AFG2A: variants seen among roughly 807,000 people sequenced by gnomAD.
AFG2A encodes the protein AAA ATPase AFG2A.
chr4:122,946,119 G>A, the AFG2A span, among the ~76,000 whole-genome samples: 1 of 152,186 alleles, frequency 6.6e-6, no homozygotes, highest in Non-Finnish European at 1.5e-5. Context: ...ATAAAATAGT[G>A]TCCTAGTTTG....
At chr4:122,988,337 A>C in the AFG2A span, among the ~76,000 whole-genome samples, 1 of 147,578 alleles carries the variant, frequency 6.8e-6, no homozygotes, top group East Asian at 1.9e-4. Flanking sequence ...AAGAACTCCA[A>C]ATACACTAAA....
At chr4:123,139,257 T>A in the AFG2A span, among the ~76,000 whole-genome samples, 1 of 152,144 alleles carries the variant, frequency 6.6e-6, no homozygotes, top group Admixed American at 6.5e-5. Context: ...GCAATCACTG[T>A]CTTGTTCTTA....
At chr4:123,177,588 G>A in the AFG2A span, among the ~76,000 whole-genome samples, 2 of 152,174 alleles carry the variant, frequency 1.3e-5, no homozygotes, top group South Asian at 4.1e-4. Flanking sequence ...TTTTAAAAAA[G>A]TAAATGTCCT....
chr4:122,937,006 G>C, the AFG2A span, among the ~76,000 whole-genome samples: 3 of 151,966 alleles, frequency 2.0e-5, no homozygotes, highest in Admixed American at 2.0e-4. Context: ...AAAATAATTA[G>C]TTGGGCATGG....
chr4:123,146,502 T>G, the AFG2A span, among the ~76,000 whole-genome samples: 1 of 152,108 alleles, frequency 6.6e-6, no homozygotes, highest in African/African-American at 2.4e-5. Flanking sequence ...GTTCTTGTAT[T>G]CATCAGGGAA....
chr4:122,928,849 A>G, the AFG2A span, among the ~76,000 whole-genome samples: 1 of 152,160 alleles, frequency 6.6e-6, no homozygotes, highest in South Asian at 2.1e-4. Flanking sequence ...TCATGAGCCC[A>G]TGTAGTATTT....
the AFG2A span, among the ~76,000 whole-genome samples, chr4:123,195,845 G>A: frequency 6.6e-6 from 1 of 152,012 alleles, no homozygotes; most frequent in Non-Finnish European, 1.5e-5. Flanking sequence ...TGGAAATGCT[G>A]GTAATTTATT....
the AFG2A span, among the ~76,000 whole-genome samples, chr4:123,118,336 A>ATAATATATG: frequency 1.7e-5 from 1 of 58,158 alleles, no homozygotes; most frequent in Non-Finnish European, 4.2e-5. Context: ...TATAATATAT[A>ATAATATATG]TATTATATTA....
At chr4:123,036,859 T>C in the AFG2A span, among the ~76,000 whole-genome samples, 5 of 152,074 alleles carry the variant, frequency 3.3e-5, no homozygotes, top group South Asian at 2.1e-4. Flanking sequence ...CATTCTTGCC[T>C]AGTAATTAAA....
the AFG2A span, among the ~76,000 whole-genome samples, chr4:123,158,355 A>G: frequency 6.6e-6 from 1 of 152,246 alleles, no homozygotes; most frequent in Admixed American, 6.5e-5. Flanking sequence ...GGTCAATCTC[A>G]GGAATTTCAG....
chr4:123,127,813 T>A, the AFG2A span, among the ~76,000 whole-genome samples: 22 of 152,290 alleles, frequency 1.4e-4, no homozygotes, highest in Admixed American at 1.2e-3. Context: ...CTAACTAAAA[T>A]GTAGTTTGGA....
the AFG2A span, among the ~76,000 whole-genome samples, chr4:123,188,090 C>G: frequency 0.022 from 3,316 of 151,750 alleles, 64 homozygotes; most frequent in Non-Finnish European, 0.035. Flanking sequence ...TGTGCTCTTT[C>G]ATTCTTAATC....
At chr4:123,050,173 A>G in the AFG2A span, among the ~76,000 whole-genome samples, 6 of 152,012 alleles carry the variant, frequency 3.9e-5, no homozygotes, top group African/African-American at 1.5e-4. Flanking sequence ...AAGATGCTTG[A>G]TATGATTTTG....
At chr4:123,066,046 C>T in the AFG2A span, among the ~76,000 whole-genome samples, 10 of 152,122 alleles carry the variant, frequency 6.6e-5, no homozygotes, top group Non-Finnish European at 1.5e-4. Context: ...TTAATAACTG[C>T]TTCTCCTATA....
At chr4:123,016,396 C>G in the AFG2A span, among the ~76,000 whole-genome samples, 1 of 151,476 alleles carries the variant, frequency 6.6e-6, no homozygotes, top group African/African-American at 2.4e-5. Flanking sequence ...GGTCTCCTCA[C>G]TTCTCAGACA....
At chr4:123,254,175 G>A in the AFG2A span, among the ~76,000 whole-genome samples, 1 of 152,058 alleles carries the variant, frequency 6.6e-6, no homozygotes, top group Non-Finnish European at 1.5e-5. Context: ...TTTCTTAAAG[G>A]TACCTTTTGA....
the AFG2A span, among the ~76,000 whole-genome samples, chr4:122,975,531 A>G: frequency 6.6e-6 from 1 of 152,178 alleles, no homozygotes; most frequent in Non-Finnish European, 1.5e-5. Context: ...CAAAGGAAAG[A>G]ATATTGCAGC....
chr4:123,064,445 A>C, the AFG2A span, among the ~76,000 whole-genome samples: 1 of 152,274 alleles, frequency 6.6e-6, no homozygotes, highest in Non-Finnish European at 1.5e-5. Flanking sequence ...TCCCTGCATT[A>C]ATGCAAAGTA....
the AFG2A span, among the ~76,000 whole-genome samples, chr4:123,220,379 A>T: frequency 6.6e-6 from 1 of 151,884 alleles, no homozygotes; most frequent in South Asian, 2.1e-4. Flanking sequence ...TGGGAGGCTG[A>T]GGTGGACGCA....
Sources: gnomAD v4.1 joint callset for allele counts (sites outside exome capture counted in the v4.1 genomes callset) on GRCh38, gnomAD v4.1.1 for gene constraint, MANE v1.5 for transcripts, NCBI Gene and HGNC (gene_info 2026-07-23, HGNC 2026-07-21) for gene names.